GBF1: variants seen among roughly 807,000 people sequenced by gnomAD.
GBF1 encodes golgi brefeldin A resistant guanine nucleotide exchange factor 1, also known as Golgi-specific brefeldin A-resistance guanine nucleotide exchange factor 1.
In GBF1, 114 loss-of-function variants were observed where a neutral mutation model predicts 210.5. The ratio of observed to expected loss-of-function variants is 0.54; its 90% confidence interval spans 0.47 to 0.63. GBF1 has a LOEUF of 0.63. GBF1 is among the 30% of genes least tolerant of loss of function. GBF1 has a pLI of 0.00. For missense variants in GBF1, 1,851 were observed against 2,357.7 expected (o/e 0.79, Z 4.45); for synonymous variants, 850 against 889.2 (o/e 0.96, Z 0.78).
chr10:102,368,612 C>T, intron 22 of GBF1, 127 bp from the exon 23 acceptor site: 1 of 834,248 alleles, frequency 1.2e-6, no homozygotes, highest in Non-Finnish European at 1.9e-6. Flanking sequence ...CAGTCTTAAA[C>T]AGAAACAAAA....
At chr10:102,375,690 G>T (rs1318116074) in intron 30 of GBF1, 106 bp downstream of exon 30, 6 of 717,292 alleles carry the variant, frequency 8.4e-6, no homozygotes, top group Non-Finnish European at 1.4e-5. Flanking sequence ...AGATTAAACA[G>T]CCCTGGCTCC....
intron 4 of GBF1, 54 bp downstream of exon 4, chr10:102,344,236 T>C (rs1004122452): frequency 6.3e-7 from 1 of 1,588,686 alleles, no homozygotes; most frequent in African/African-American, 1.3e-5. Context: ...CCACCTTTCC[T>C]GGGGTGCCCA....
At chr10:102,368,893 G>A in intron 23 of GBF1, 61 bp downstream of exon 23, 1 of 1,144,326 alleles carries the variant, frequency 8.7e-7, no homozygotes, top group Non-Finnish European at 1.3e-6. Context: ...TTTTAGCCAT[G>A]GATCTACCCT....
upstream of GBF1, among the ~76,000 whole-genome samples, chr10:102,242,246 C>G (rs573357767): frequency 1.2e-4 from 18 of 152,322 alleles, no homozygotes; most frequent in Middle Eastern, 3.4e-3. Flanking sequence ...AACGCTGCCA[C>G]GAACTGCACC....
intron 3 of GBF1, among the ~76,000 whole-genome samples, chr10:102,342,038 CTTTT>C (rs762320060): frequency 7.2e-6 from 1 of 139,216 alleles, no homozygotes. Flanking sequence ...TTTTTATGTA[CTTTT>C]TTTTTTTTTT....
chr10:102,324,689 C>T (rs1306944983), intron 3 of GBF1, among the ~76,000 whole-genome samples: 2 of 152,100 alleles, frequency 1.3e-5, no homozygotes, highest in African/African-American at 2.4e-5. Flanking sequence ...CAGGTTCAAG[C>T]GATTCTCCTG....
chr10:102,344,293 C>A, intron 4 of GBF1, 111 bp downstream of exon 4: 2 of 879,142 alleles, frequency 2.3e-6, no homozygotes, highest in Non-Finnish European at 1.8e-6. Context: ...TTTCCAGTCA[C>A]CTCTTTTCTT....
At chr10:102,288,330 A>G (rs895944403) in intron 3 of GBF1, among the ~76,000 whole-genome samples, 11 of 70,186 alleles carry the variant, frequency 1.6e-4, no homozygotes, top group African/African-American at 2.2e-4. Context: ...ACTGAGATAT[A>G]TAATGATATA....
intron 3 of GBF1, among the ~76,000 whole-genome samples, chr10:102,339,709 T>C (rs1441624963): frequency 7.2e-5 from 11 of 151,972 alleles, no homozygotes; most frequent in African/African-American, 2.7e-4. Flanking sequence ...ATTAACACAG[T>C]GTCGTGTTGT....
At chr10:102,379,753 C>A in intron 35 of GBF1, 100 bp from the exon 36 acceptor site, 1 of 1,481,598 alleles carries the variant, frequency 6.7e-7, no homozygotes, top group Non-Finnish European at 9.4e-7. Flanking sequence ...CTGCATCATA[C>A]CTTCCCTTCA....
At chr10:102,317,434 C>T (rs1356962736) in intron 3 of GBF1, among the ~76,000 whole-genome samples, 2 of 152,074 alleles carry the variant, frequency 1.3e-5, no homozygotes, top group East Asian at 1.9e-4. Context: ...ACCTGGCCAA[C>T]GTGGAGAAAC....
chr10:102,316,153 A>G (rs2078913543), intron 3 of GBF1, among the ~76,000 whole-genome samples: 1 of 141,970 alleles, frequency 7.0e-6, no homozygotes, highest in Non-Finnish European at 1.5e-5. Flanking sequence ...GTGGTGCAAT[A>G]TCAGCTCACT....
chr10:102,333,143 G>A (rs2057460159), intron 3 of GBF1, among the ~76,000 whole-genome samples: 1 of 152,020 alleles, frequency 6.6e-6, no homozygotes, highest in African/African-American at 2.4e-5. Context: ...GAAATGAGGT[G>A]TTTTTGCCCA....
chr10:102,298,814 C>T (rs2077110944), intron 3 of GBF1, among the ~76,000 whole-genome samples: 1 of 152,194 alleles, frequency 6.6e-6, no homozygotes, highest in African/African-American at 2.4e-5. Flanking sequence ...ATTATACCTC[C>T]TACTCTTACC....
chr10:102,295,742 A>C (rs1230311834), intron 3 of GBF1, among the ~76,000 whole-genome samples: 2 of 152,148 alleles, frequency 1.3e-5, no homozygotes, highest in Non-Finnish European at 2.9e-5. Flanking sequence ...TGTGGGTAAA[A>C]CCTTGTCTCC....
chr10:102,255,830 A>G (rs2072272408), intron 1 of GBF1, among the ~76,000 whole-genome samples: 1 of 152,242 alleles, frequency 6.6e-6, no homozygotes, highest in South Asian at 2.1e-4. Flanking sequence ...TTGTGTTCCT[A>G]GAGCATTTGG....
chr10:102,355,254 C>G (rs2059226693), intron 8 of GBF1, among the ~76,000 whole-genome samples: 1 of 152,118 alleles, frequency 6.6e-6, no homozygotes, highest in Admixed American at 6.6e-5. Context: ...TGTATGTACA[C>G]CTAGCTAGAT....
intron 23 of GBF1, 109 bp from the exon 24 acceptor site, chr10:102,369,102 A>C: frequency 2.4e-6 from 2 of 822,270 alleles, no homozygotes; most frequent in Non-Finnish European, 4.0e-6. Flanking sequence ...GGGGGATTGA[A>C]GCAGAGCCAA....
At chr10:102,336,977 T>C (rs1229199004) in intron 3 of GBF1, among the ~76,000 whole-genome samples, 1 of 152,160 alleles carries the variant, frequency 6.6e-6, no homozygotes, top group Non-Finnish European at 1.5e-5. Context: ...TTTTAAAAAT[T>C]TTATAACAAT....
Sources: allele counts gnomAD v4.1 joint callset (sites outside exome capture counted in the v4.1 genomes callset), GRCh38; gene constraint gnomAD v4.1.1; transcripts MANE v1.5; gene names NCBI Gene and HGNC (gene_info 2026-07-23, HGNC 2026-07-21).